TSLP: variants seen among roughly 807,000 people sequenced by gnomAD.
TSLP encodes thymic stromal lymphopoietin.
A neutral mutation model predicts 12.4 loss-of-function variants in TSLP; 12 were observed. That is an observed-to-expected ratio of 0.97 (90% CI 0.62 to 1.57). TSLP has a LOEUF of 1.57. TSLP is among the 40% of genes most tolerant of loss of function. TSLP has a pLI of 0.00. For missense variants in TSLP, 222 were observed against 189.6 expected (o/e 1.17, Z -1.00); for synonymous variants, 97 against 69.5 (o/e 1.40, Z -1.97).
rs370540119 is a variant in TSLP at position 111,072,066 on chromosome 5, G to C, written c.171+5G>C. On this transcript the variant is annotated splice_donor_5th_base_variant and intron_variant, in intron 1 of 3. Coordinates refer to ENST00000344895, the MANE Select transcript of TSLP (RefSeq NM_033035.5). ...CTGATTACATATATGAGTGGGGTAA[G>C]TGAAGAAGCTTTTTTAAAACAAATG... is the stretch of plus-strand genomic sequence containing the variant. 5 of 1,600,590 alleles carry C rather than the reference G, an allele frequency of 3.1e-6. No individual in the cohort carries two copies. Among genetic ancestry groups the C allele is most frequent in the Non-Finnish European group, 3.4e-6 (4 of 1,170,332 alleles).
At chr5:111,073,333 T>A in intron 2 of TSLP, 178 bp from the exon 3 acceptor site, 1 of 1,448,344 alleles carries the variant, frequency 6.9e-7, no homozygotes. Flanking sequence ...ACGCCCCTGC[T>A]CCCCCGCGGT....
At chr5:111,073,708 T>C in intron 3 of TSLP, 63 bp downstream of exon 3, 1 of 1,532,958 alleles carries the variant, frequency 6.5e-7, no homozygotes, top group Non-Finnish European at 8.9e-7. Context: ...AACTGGGGCT[T>C]TGGTGCAGAA....
In TSLP at chr5:111,077,195, G is replaced by C. The variant is rs553316015; in HGVS notation, c.*1121G>C. 6.6e-6 allele frequency: 1 copy of C among 152,318 alleles called. No individual in the cohort carries two copies. The highest frequency in any genetic ancestry group is 1.9e-4 in the East Asian group (1 of 5,182). 9.4% of individuals were successfully genotyped at this position (152,318 alleles called of 1,614,324 possible). A position where few individuals can be genotyped will look rare whatever the true frequency, so the allele number is the denominator to read the frequency against. On this transcript the variant is annotated 3_prime_UTR_variant, in exon 4 of 4. Transcript: ENST00000344895. Reference sequence around the variant, plus strand: ...TGGGAAGGGCAACCCACTGCACGTGGGAATGCACTGATTTTTCCTAGGAGT... The same window carrying C: ...TGGGAAGGGCAACCCACTGCACGTGCGAATGCACTGATTTTTCCTAGGAGT...
chr5:111,070,192 C>G (rs572093874), upstream of TSLP: 1 of 152,572 alleles, frequency 6.6e-6, no homozygotes, highest in South Asian at 2.1e-4. Context: ...TTCTGACCCT[C>G]TCGAGTGCCT....
intron 3 of TSLP, among the ~76,000 whole-genome samples, chr5:111,075,395 G>T (rs2112547083): frequency 6.6e-6 from 1 of 152,214 alleles, no homozygotes; most frequent in Admixed American, 6.5e-5. Flanking sequence ...CAGGGGAGGG[G>T]GAAGGATGGG....
At chr5:111,070,692 A>G (rs894839878), upstream of TSLP, 10 of 152,420 alleles carry the variant, frequency 6.6e-5, no homozygotes, top group African/African-American at 2.4e-4. Context: ...AGAGTTTGCT[A>G]GTAAAAATCT....
At chr5:111,072,358 G>A (rs1752363998) in intron 1 of TSLP, among the ~76,000 whole-genome samples, 1 of 152,170 alleles carries the variant, frequency 6.6e-6, no homozygotes, top group African/African-American at 2.4e-5. Flanking sequence ...GCTGTAAAAA[G>A]CAGGAGGTAA....
chr5:111,071,728 A>G lies in TSLP; in HGVS notation c.-163A>G, dbSNP rs1405023962. The G allele has an allele frequency of 7.5e-6, 9 of 1,205,964 alleles. No individual in the cohort carries two copies. Among genetic ancestry groups the G allele is most frequent in the Non-Finnish European group, 1.0e-5 (9 of 866,034 alleles). The allele number at this position is 1,205,964 out of a possible 1,614,324, so 74.7% of individuals were successfully genotyped here. A position where few individuals can be genotyped will look rare whatever the true frequency, so the allele number is the denominator to read the frequency against. ...GCTCTGGAGCATCAGGGAGACTCCA[A>G]CTTAAGGCAACAGCATGGGTGAATA... On this transcript the variant is annotated 5_prime_UTR_variant, in exon 1 of 4. Coordinates refer to ENST00000344895, the MANE Select transcript of TSLP (RefSeq NM_033035.5).
At chr5:111,071,061 T>C (rs150322158), upstream of TSLP, 107 of 168,996 alleles carry the variant, frequency 6.3e-4, no homozygotes, top group East Asian at 0.016. Flanking sequence ...GAGTAGGCGT[T>C]TTTCCTGAAA....
chr5:111,071,173 G>T, upstream of TSLP: 1 of 325,900 alleles, frequency 3.1e-6, no homozygotes, highest in Non-Finnish European at 5.5e-6. Context: ...TAAGGTTCTG[G>T]TCACGGTTGC....
Position 111,072,050 on chromosome 5 carries a change from T to A in TSLP, c.160T>A (p.Tyr54Asn). 6.2e-7 allele frequency: 1 copy of A among 1,611,854 alleles called. No homozygotes were observed. The highest frequency in any genetic ancestry group is 8.5e-7 in the Non-Finnish European group (1 of 1,178,550). Residue 54 changes from tyrosine to asparagine, a missense_variant, in exon 1 of 4, where the codon TAT (tyrosine) becomes AAT (asparagine). Coordinates refer to ENST00000344895, the MANE Select transcript of TSLP (RefSeq NM_033035.5). ...TACTATTTCTAAAGACCTGATTACATATATGAGTGGGGTAAGTGAAGAAGC... is the reference window on the plus strand; with the variant it reads ...TACTATTTCTAAAGACCTGATTACAAATATGAGTGGGGTAAGTGAAGAAGC... ...LSTISKDLIT[Y>N]MSGTKSTEFN...
Position 111,072,110 on chromosome 5 carries a change from C to G in TSLP, c.171+49C>G, listed in dbSNP as rs367976860. The G allele has an allele frequency of 8.8e-6, 13 of 1,481,046 alleles. 1 individual carries two copies. In the South Asian group the frequency reaches 1.4e-4, roughly 16 times the overall value. The allele number at this position is 1,481,046 out of a possible 1,614,324, so 91.7% of individuals were successfully genotyped here. The stretch of plus-strand genomic sequence containing the variant: ...ACAAATGTATTTTCATCAGAGGAGT[C>G]GGCATACACACACTCTACAATTTAA... On this transcript the variant is annotated intron_variant, in intron 1 of 3. Transcript: ENST00000344895.
rs11466748 is a variant in TSLP, at chr5:111,076,327, G to C, written c.*253G>C. 693 of 441,526 alleles carry C rather than the reference G, an allele frequency of 1.6e-3. 2 individuals are homozygous for C. Among genetic ancestry groups the C allele is most frequent in the African/African-American group, 0.013 (622 of 49,022 alleles). 27.4% of individuals were successfully genotyped at this position (441,526 alleles called of 1,614,324 possible). ...TTCATGGCAGTAATTCTCGGCTGTA[G>C]TTGCATAAGCATTGCTCAAGAGGAA... On this transcript the variant is annotated 3_prime_UTR_variant, in exon 4 of 4. Transcript: ENST00000344895.
chr5:111,075,867 G>T, intron 3 of TSLP, 79 bp from the exon 4 acceptor site: 1 of 1,442,840 alleles, frequency 6.9e-7, no homozygotes, highest in Non-Finnish European at 9.6e-7. Flanking sequence ...TTTGCATAGA[G>T]AAGGCAATTA....
rs576903992 is a variant in TSLP, at chr5:111,077,141, A to G, written c.*1067A>G. On this transcript the variant is annotated 3_prime_UTR_variant, in exon 4 of 4. Transcript: ENST00000344895. ...AGAGCCGCAGGCACCCTCTCACTCA[A>G]TTTCCACTCAGAACCCTATAAACAC... 16 of 152,286 alleles carry G rather than the reference A, an allele frequency of 1.1e-4. No individual in the cohort carries two copies. Among genetic ancestry groups the G allele is most frequent in the African/African-American group, 3.9e-4 (16 of 41,546 alleles). 9.4% of individuals were successfully genotyped at this position (152,286 alleles called of 1,614,324 possible). A position where few individuals can be genotyped will look rare whatever the true frequency, so the allele number is the denominator to read the frequency against.
Position 111,076,169 on chromosome 5 carries a change from C to G in TSLP, c.*95C>G. 1 of 1,373,318 alleles carries G rather than the reference C, an allele frequency of 7.3e-7. No homozygotes were observed. The allele number at this position is 1,373,318 out of a possible 1,614,324, so 85.1% of individuals were successfully genotyped here. A position where few individuals can be genotyped will look rare whatever the true frequency, so the allele number is the denominator to read the frequency against. ...ACTCTAACTGTGACAAAGAAGACCA[C>G]AAATAGTTATCTTTTAATTACAGAA... On this transcript the variant is annotated 3_prime_UTR_variant, in exon 4 of 4. Coordinates refer to ENST00000344895, the MANE Select transcript of TSLP (RefSeq NM_033035.5).
chr5:111,073,753 C>A, intron 3 of TSLP, 108 bp downstream of exon 3: 2 of 1,311,984 alleles, frequency 1.5e-6, no homozygotes, highest in East Asian at 2.4e-5. Context: ...TTTTATCTTT[C>A]GAAGAGCAAA....
At chr5:111,071,471 G>A (rs927717187), upstream of TSLP, 1 of 1,543,814 alleles carries the variant, frequency 6.5e-7, no homozygotes, top group African/African-American at 1.4e-5. Context: ...TTTCTTAAAG[G>A]ACATTCACAC....
rs1264609534 is a variant in TSLP at position 111,076,866 on chromosome 5, T to G, written c.*792T>G. 1 of 152,220 alleles carries G rather than the reference T, an allele frequency of 6.6e-6. No homozygotes were observed. Among genetic ancestry groups the G allele is most frequent in the Non-Finnish European group, 1.5e-5 (1 of 68,036 alleles). The allele number at this position is 152,220 out of a possible 1,614,324, so 9.4% of individuals were successfully genotyped here. On this transcript the variant is annotated 3_prime_UTR_variant, in exon 4 of 4. Transcript: ENST00000344895. The stretch of plus-strand genomic sequence containing the variant: ...ACTTTTCTAAGGGACATTATCTTCC[T>G]TCAGGTTTTTACCTCCACTCATCCT...
Sources: allele counts gnomAD v4.1 joint callset (sites outside exome capture counted in the v4.1 genomes callset), GRCh38; gene constraint gnomAD v4.1.1; transcripts MANE v1.5; gene names NCBI Gene and HGNC (gene_info 2026-07-23, HGNC 2026-07-21).